The following TRIM27 variants were observed in gnomAD, a reference collection of about 807,000 sequenced individuals.
TRIM27 encodes the protein zinc finger protein RFP.
TRIM27 carries 12 observed loss-of-function variants against 57.6 expected under a neutral mutation model. The observed-to-expected ratio is 0.21, with a 90% CI of 0.13 to 0.34. TRIM27 has a LOEUF of 0.34. Ranked by LOEUF, TRIM27 falls within the 10% of genes least tolerant of loss-of-function variation. TRIM27 has a pLI of 1.00. For missense variants in TRIM27, 403 were observed against 656.8 expected, an observed-to-expected ratio of 0.61 and a Z score of 4.22; for synonymous variants, 266 against 259.0, an observed-to-expected ratio of 1.03 and a Z score of -0.26.
At chr6:28,913,997 CT>C (rs1440240778) in intron 3 of TRIM27, among the ~76,000 whole-genome samples, 2 of 139,924 alleles carry the variant, frequency 1.4e-5, no homozygotes, top group African/African-American at 5.3e-5. Context: ...CCTCAGAGCT[CT>C]TCTTTCACAG....
At chr6:28,905,840 T>C (rs936167972) in intron 7 of TRIM27, 5 of 152,226 alleles carry the variant, frequency 3.3e-5, no homozygotes, top group African/African-American at 1.2e-4. Context: ...TGTTCTGAAA[T>C]CTAAAACTGT....
At chr6:28,922,025 G>T in intron 1 of TRIM27, 38 bp from the exon 2 acceptor site, 1 of 1,452,080 alleles carries the variant, frequency 6.9e-7, no homozygotes, top group Non-Finnish European at 9.7e-7. Context: ...TCAAAATTAG[G>T]TAGACCTTAG....
intron 6 of TRIM27, 77 bp from the exon 7 acceptor site, chr6:28,907,339 G>C: frequency 1.4e-6 from 2 of 1,456,900 alleles, no homozygotes; most frequent in Non-Finnish European, 9.5e-7. Flanking sequence ...GCTTTGGTTA[G>C]TCATCATAAA....
At position 28,921,982 on chromosome 6, in the gene TRIM27, T is replaced by C. The variant is rs1440711076; in HGVS notation, c.426A>G (p.Gln142=). The change falls in exon 2 of 8, where the codon CAA becomes CAG. Residue 142 remains glutamine, a synonymous_variant. Coordinates refer to ENST00000377199, the MANE Select transcript of TRIM27 (RefSeq NM_006510.5). ...TTAAATGGTCGAGCTGGTTCTGGAT[T>C]TGCTCCTGAGAAAAGCAAAACAGAT... ...LEEAVEGFKE[Q]IQNQLDHLKR... 6.2e-7 allele frequency: 1 copy of C among 1,613,028 alleles called. No homozygotes were observed. The highest frequency in any genetic ancestry group is 1.3e-5 in the African/African-American group (1 of 75,048).
At chr6:28,921,811 A>G in intron 2 of TRIM27, 81 bp downstream of exon 2, 1 of 1,156,862 alleles carries the variant, frequency 8.6e-7, no homozygotes, top group East Asian at 2.4e-5. Flanking sequence ...GACATGCTGG[A>G]CAAGTTTAAG....
rs560130568 is a variant in TRIM27 at position 28,911,589 on chromosome 6, T to C, written c.770+107A>G. Reference sequence around the variant, plus strand: ...CTCTCTTCAGGGATATGTGTCAATTTGATAAGATGTCCATCCTCAGGCTCA... The same window carrying C: ...CTCTCTTCAGGGATATGTGTCAATTCGATAAGATGTCCATCCTCAGGCTCA... On this transcript the variant is annotated intron_variant, in intron 4 of 7. Coordinates refer to ENST00000377199, the MANE Select transcript of TRIM27 (RefSeq NM_006510.5). 5.2e-5 allele frequency: 59 copies of C among 1,123,994 alleles called. No homozygotes were observed. The East Asian group carries it at 1.3e-3, about 25-fold the overall frequency. The allele number at this position is 1,123,994 out of a possible 1,614,324, so 69.6% of individuals were successfully genotyped here.
rs113165536 is a variant in TRIM27 at position 28,918,994 on chromosome 6, A to C, written c.747+1018T>G. ...TGACCCTTGCCCTATGCCATCATCC[A>C]TTTTTATTTTTATTTTTTATTATTT... is the stretch of plus-strand genomic sequence containing the variant. On this transcript the variant is annotated intron_variant, in intron 3 of 7. Transcript: ENST00000377199. Among the ~76,000 whole-genome samples the C allele has an allele frequency of 5.4e-3, 818 of 151,946 alleles. 11 individuals carry two copies. The highest frequency in any genetic ancestry group is 0.014 in the African/African-American group (589 of 41,472).
intron 4 of TRIM27, chr6:28,911,410 C>A: frequency 2.7e-6 from 1 of 370,386 alleles, no homozygotes. Flanking sequence ...CATAAACTAC[C>A]CTTATATTCA....
At chr6:28,918,226 T>A (rs1773758799) in intron 3 of TRIM27, among the ~76,000 whole-genome samples, 1 of 152,202 alleles carries the variant, frequency 6.6e-6, no homozygotes, top group Non-Finnish European at 1.5e-5. Flanking sequence ...TAACTTCTAG[T>A]TTCTTTAACC....
rs748177623 is a variant in TRIM27 at position 28,921,901 on chromosome 6, A to AGATCGT, written c.506_507insACGATC (p.Ala169_Glu170insArgSer). 6.2e-7 allele frequency: 1 copy of AGATCGT among 1,612,628 alleles called. No individual in the cohort carries two copies. ...TTCCAACAACCCTTACCAAGAGTTC[A>AGATCGT]GCTCGTGCCTGTTCCCCCTGGGCCC... On this transcript the variant is annotated inframe_insertion, in exon 2 of 8. Transcript: ENST00000377199.
intron 4 of TRIM27, among the ~76,000 whole-genome samples, chr6:28,909,359 G>A (rs1014377402): frequency 3.9e-5 from 6 of 152,082 alleles, no homozygotes; most frequent in African/African-American, 1.4e-4. Flanking sequence ...CTCCCGCCTC[G>A]GCCTCCCAAA....
In TRIM27 at chr6:28,921,966, C is replaced by A; in HGVS notation, c.442G>T (p.Asp148Tyr). The change falls in exon 2 of 8, where the codon GAC becomes TAC. Residue 148 changes from aspartate to tyrosine, a missense_variant. Asp to Tyr is a radical substitution (Grantham distance 160). Coordinates refer to ENST00000377199, the MANE Select transcript of TRIM27 (RefSeq NM_006510.5). ...GFKEQIQNQL[D>Y]HLKRVKDLKK... ...AAATCTTTCACTCTTTTTAAATGGT[C>A]GAGCTGGTTCTGGATTTGCTCCTGA... The A allele has an allele frequency of 6.2e-7, 1 of 1,613,036 alleles. No individual in the cohort carries two copies. Among genetic ancestry groups the A allele is most frequent in the South Asian group, 1.1e-5 (1 of 91,072 alleles).
At chr6:28,912,583 T>C (rs1773288683) in intron 3 of TRIM27, among the ~76,000 whole-genome samples, 1 of 152,212 alleles carries the variant, frequency 6.6e-6, no homozygotes. Flanking sequence ...TATCAGTTCA[T>C]AGGTATCATT....
In TRIM27 at chr6:28,904,155, G is replaced by A; in HGVS notation, c.1457C>T (p.Pro486Leu). ...LSYSGGKSAA[P>L]LIICPMSGID... Reference sequence around the variant, plus strand: ...CCCACTCATGGGGCAGATGATCAGAGGAGCTGCACTTTTCCCTCCCGAGTA... The same window carrying A: ...CCCACTCATGGGGCAGATGATCAGAAGAGCTGCACTTTTCCCTCCCGAGTA... The change falls in exon 8 of 8, where the codon CCT (proline) becomes CTT (leucine). Residue 486 changes from proline to leucine, a missense_variant. Pro to Leu is a moderately conservative substitution (Grantham distance 98). Transcript: ENST00000377199. This position sits in a 1 kb window ranked among gnomAD's most constrained non-coding sequence, Gnocchi z 6.1. 6.2e-7 allele frequency: 1 copy of A among 1,613,074 alleles called. No homozygotes were observed.
intron 3 of TRIM27, among the ~76,000 whole-genome samples, chr6:28,913,287 T>C (rs9257345): frequency 6.8e-6 from 1 of 147,020 alleles, no homozygotes; most frequent in Non-Finnish European, 1.5e-5. Flanking sequence ...TATATATATA[T>C]AATATACGTA....
intron 7 of TRIM27, chr6:28,905,925 A>G (rs1401692630): frequency 6.6e-6 from 1 of 152,208 alleles, no homozygotes; most frequent in Non-Finnish European, 1.5e-5. Flanking sequence ...CCTGCTTCAA[A>G]AACACTGATA....
chr6:28,919,868 AAG>A (rs1206707541), intron 3 of TRIM27, 142 bp downstream of exon 3: 1 of 689,770 alleles, frequency 1.4e-6, no homozygotes. Context: ...GTTTCCTTCC[AAG>A]GTGCACAATA....
chr6:28,914,529 TG>T (rs1773457233), intron 3 of TRIM27, among the ~76,000 whole-genome samples: 1 of 138,946 alleles, frequency 7.2e-6, no homozygotes, highest in South Asian at 2.3e-4. Context: ...ACTGTCAATT[TG>T]TCTAGATCCA....
Position 28,910,109 on chromosome 6 carries a change from C to T in TRIM27, c.771-1021G>A, listed in dbSNP as rs578055025. Reference sequence around the variant, plus strand: ...GCAACATGGTAAGACCCTGCCTCTACAAAAAAGAAAAATGAAAAAAAAAAA... The same window carrying T: ...GCAACATGGTAAGACCCTGCCTCTATAAAAAAGAAAAATGAAAAAAAAAAA... On this transcript the variant is annotated intron_variant, in intron 4 of 7. Coordinates refer to ENST00000377199, the MANE Select transcript of TRIM27 (RefSeq NM_006510.5). 3.5e-3 allele frequency among the ~76,000 whole-genome samples: 117 copies of T among 32,984 alleles called. 6 individuals are homozygous for T. The East Asian group carries it at 0.065, about 18-fold the overall frequency. 21.6% of individuals were successfully genotyped at this position (32,984 alleles called of 152,430 possible).
Sources: gnomAD v4.1 joint callset for allele counts (sites outside exome capture counted in the v4.1 genomes callset) on GRCh38, gnomAD v4.1.1 for gene constraint, Gnocchi (gnomAD v3.1) non-coding constraint, MANE v1.5 for transcripts, NCBI Gene and HGNC (gene_info 2026-07-23, HGNC 2026-07-21) for gene names.